Variants in GRIN2A observed in about 807,000 individuals in gnomAD.
GRIN2A encodes glutamate receptor ionotropic, NMDA 2A.
In GRIN2A, 22 loss-of-function variants were observed where a neutral mutation model predicts 113.4. The observed-to-expected ratio is 0.19, with a 90% CI of 0.14 to 0.28. The LOEUF is 0.28. Among genes scored for constraint, GRIN2A ranks in the 10% least tolerant of loss-of-function variants. GRIN2A has a pLI of 1.00. For missense variants in GRIN2A, 1,502 were observed against 1,887.0 expected, an observed-to-expected ratio of 0.80 and a Z score of 3.78; for synonymous variants, 827 against 738.4, an observed-to-expected ratio of 1.12 and a Z score of -1.94.
At chr16:10,055,085 AG>A (rs1567266433) in intron 2 of GRIN2A, among the ~76,000 whole-genome samples, 8,187 of 66,958 alleles carry the variant, frequency 0.12, 1,112 homozygotes, top group East Asian at 0.3. Context: ...AAAAAAAAAA[AG>A]AAAAAAGAAA....
chr16:9,992,650 T>C (rs2046141670), intron 2 of GRIN2A, among the ~76,000 whole-genome samples: 1 of 152,222 alleles, frequency 6.6e-6, no homozygotes, highest in Non-Finnish European at 1.5e-5. Flanking sequence ...TAAATTGTTC[T>C]TGAATTTATG....
chr16:10,039,804 G>T (rs1264234364), intron 2 of GRIN2A, among the ~76,000 whole-genome samples: 1 of 56,110 alleles, frequency 1.8e-5, no homozygotes, highest in Non-Finnish European at 3.2e-5. Context: ...GAGGGGGAGG[G>T]GGGGGAGAAA....
intron 10 of GRIN2A, among the ~76,000 whole-genome samples, chr16:9,800,839 C>T (rs1903316667): frequency 6.6e-6 from 1 of 152,100 alleles, no homozygotes; most frequent in South Asian, 2.1e-4. Context: ...GGCTTGATGA[C>T]AGCAAGTCAA....
intron 2 of GRIN2A, among the ~76,000 whole-genome samples, chr16:10,139,321 T>C (rs2142248232): frequency 6.6e-6 from 1 of 152,180 alleles, no homozygotes; most frequent in East Asian, 1.9e-4. Flanking sequence ...TATTATACCC[T>C]GTGGGGAGGC....
chr16:9,788,193 C>A (rs1902352043), intron 11 of GRIN2A, among the ~76,000 whole-genome samples: 2 of 152,130 alleles, frequency 1.3e-5, no homozygotes, highest in African/African-American at 4.8e-5. Context: ...GCCTCTCTCT[C>A]CCTTTACTCC....
At chr16:9,875,856 G>A (rs182183238) in intron 4 of GRIN2A, among the ~76,000 whole-genome samples, 1 of 152,270 alleles carries the variant, frequency 6.6e-6, no homozygotes, top group East Asian at 1.9e-4. Flanking sequence ...TGCCCAGGCT[G>A]GAGTAGGTGT....
chr16:9,959,843 G>T (rs1203864719), intron 2 of GRIN2A, among the ~76,000 whole-genome samples: 1 of 152,114 alleles, frequency 6.6e-6, no homozygotes, highest in South Asian at 2.1e-4. Flanking sequence ...GCGTGGTGGC[G>T]CATGCCTGTG....
rs558959309 is a variant in GRIN2A, at chr16:9,885,728, G to A, written c.1122+5258C>T. 3.0e-3 allele frequency among the ~76,000 whole-genome samples: 463 copies of A among 152,292 alleles called. 1 individual carries two copies. Among genetic ancestry groups the A allele is most frequent in the African/African-American group, 0.01 (429 of 41,560 alleles). ...GCTGTACCAGCGTGTAGTGCTGGGG[G>A]GGCAGCTTTAAGGGTAACACGACTG... On this transcript the variant is annotated intron_variant, in intron 4 of 12. Transcript: ENST00000330684.
chr16:9,786,356 A>G (rs1902228869), intron 11 of GRIN2A, among the ~76,000 whole-genome samples: 1 of 152,094 alleles, frequency 6.6e-6, no homozygotes, highest in Non-Finnish European at 1.5e-5. Context: ...GGCAGGGTTG[A>G]ATGATCTCAA....
intron 2 of GRIN2A, among the ~76,000 whole-genome samples, chr16:10,057,765 C>G (rs917265966): frequency 6.6e-6 from 1 of 152,164 alleles, no homozygotes; most frequent in African/African-American, 2.4e-5. Flanking sequence ...GAAGAAAAGT[C>G]TGCCTGGATA....
At chr16:9,882,489 A>G (rs964846133) in intron 4 of GRIN2A, among the ~76,000 whole-genome samples, 1 of 152,180 alleles carries the variant, frequency 6.6e-6, no homozygotes, top group African/African-American at 2.4e-5. Flanking sequence ...ACTACTGTAG[A>G]CCAAAAAATA....
At chr16:10,094,140 G>C (rs1168851464) in intron 2 of GRIN2A, among the ~76,000 whole-genome samples, 3 of 152,198 alleles carry the variant, frequency 2.0e-5, no homozygotes, top group East Asian at 3.8e-4. Context: ...CGTGTACAGA[G>C]GAGATACCAA....
chr16:10,147,909 C>T (rs1596553535), intron 2 of GRIN2A, among the ~76,000 whole-genome samples: 1 of 152,278 alleles, frequency 6.6e-6, no homozygotes, highest in South Asian at 2.1e-4. Flanking sequence ...GTGGCCACGA[C>T]GGTGCTACTG....
At chr16:9,969,971 G>A (rs1395690956) in intron 2 of GRIN2A, among the ~76,000 whole-genome samples, 2 of 152,182 alleles carry the variant, frequency 1.3e-5, no homozygotes, top group African/African-American at 4.8e-5. Context: ...TCTCTGAAGT[G>A]GGGCCTGGGG....
intron 2 of GRIN2A, among the ~76,000 whole-genome samples, chr16:10,038,751 G>C (rs1390346130): frequency 6.6e-6 from 1 of 151,816 alleles, no homozygotes; most frequent in Non-Finnish European, 1.5e-5. Flanking sequence ...GGGTGGCTGA[G>C]GCAGGACAAT....
At chr16:9,944,256 A>G (rs1356801745) in intron 2 of GRIN2A, among the ~76,000 whole-genome samples, 3 of 152,200 alleles carry the variant, frequency 2.0e-5, no homozygotes, top group Non-Finnish European at 2.9e-5. Context: ...TAGTGTATCA[A>G]CTGAGCATTT....
intron 2 of GRIN2A, among the ~76,000 whole-genome samples, chr16:10,082,384 C>T (rs147088670): frequency 9.2e-5 from 14 of 152,320 alleles, no homozygotes; most frequent in Non-Finnish European, 1.5e-4. Flanking sequence ...TCTAAGATGA[C>T]CACCAATGAC....
chr16:9,904,062 A>G (rs761051307), intron 3 of GRIN2A, among the ~76,000 whole-genome samples: 1 of 152,220 alleles, frequency 6.6e-6, no homozygotes. Flanking sequence ...TAAATCCACA[A>G]CTGTTGGTGT....
intron 8 of GRIN2A, among the ~76,000 whole-genome samples, chr16:9,833,258 C>T (rs1347933706): frequency 6.6e-6 from 1 of 152,218 alleles, no homozygotes; most frequent in African/African-American, 2.4e-5. Context: ...CCTTTATCAA[C>T]TACAATGCAC....
Sources: gnomAD v4.1 joint callset for allele counts (sites outside exome capture counted in the v4.1 genomes callset) on GRCh38, gnomAD v4.1.1 for gene constraint, MANE v1.5 for transcripts, NCBI Gene and HGNC (gene_info 2026-07-23, HGNC 2026-07-21) for gene names.